Variants in C12orf75 observed in about 807,000 individuals in gnomAD.
C12orf75 encodes chromosome 12 open reading frame 75, also known as overexpressed in colon carcinoma 1 protein.
In C12orf75, 4 loss-of-function variants were observed where a neutral mutation model predicts 11.4. The ratio of observed to expected loss-of-function variants is 0.35; its 90% confidence interval spans 0.17 to 0.80. The LOEUF is 0.80. Ranked by LOEUF, C12orf75 falls within the 30% of genes least tolerant of loss-of-function variation. The pLI is 0.52. For missense variants in C12orf75, 89 were observed against 80.4 expected (o/e 1.11, Z -0.41); for synonymous variants, 30 against 30.0 (o/e 1.00, Z 0.00).
At chr12:105,334,737 A>G (rs1399309352) in intron 1 of C12orf75, among the ~76,000 whole-genome samples, 3 of 152,126 alleles carry the variant, frequency 2.0e-5, no homozygotes, top group African/African-American at 7.2e-5. Context: ...TTCTTTACTC[A>G]CTTGTTTTTC....
At chr12:105,368,406 C>G (rs1185170759) in intron 5 of C12orf75, among the ~76,000 whole-genome samples, 1 of 152,208 alleles carries the variant, frequency 6.6e-6, no homozygotes, top group Non-Finnish European at 1.5e-5. Context: ...TGAATTCAGG[C>G]TCTCATTTAC....
At chr12:105,359,837 C>T (rs1193379562) in intron 2 of C12orf75, among the ~76,000 whole-genome samples, 4 of 151,414 alleles carry the variant, frequency 2.6e-5, no homozygotes, top group Non-Finnish European at 5.9e-5. Flanking sequence ...TGCTGTATGT[C>T]CATTTGCTCC....
intron 1 of C12orf75, among the ~76,000 whole-genome samples, chr12:105,338,852 C>G (rs180691109): frequency 1.3e-5 from 2 of 152,168 alleles, no homozygotes; most frequent in Non-Finnish European, 2.9e-5. Flanking sequence ...GCCCAAACAC[C>G]TCCCATTAGA....
At chr12:105,370,437 T>G (rs1161244150) in intron 5 of C12orf75, among the ~76,000 whole-genome samples, 197 bp from the exon 6 acceptor site, 3 of 152,222 alleles carry the variant, frequency 2.0e-5, no homozygotes, top group African/African-American at 7.2e-5. Context: ...CCTACCCAAC[T>G]TTGCCTCTTT....
At chr12:105,358,208 C>T (rs994364590) in intron 2 of C12orf75, among the ~76,000 whole-genome samples, 4 of 152,010 alleles carry the variant, frequency 2.6e-5, no homozygotes, top group Non-Finnish European at 5.9e-5. Flanking sequence ...TCTTAGGGAA[C>T]GTTCCTGTGG....
chr12:105,361,637 C>A (rs1031175587), intron 2 of C12orf75, among the ~76,000 whole-genome samples: 1 of 152,108 alleles, frequency 6.6e-6, no homozygotes, highest in Non-Finnish European at 1.5e-5. Flanking sequence ...CATGTCTGGG[C>A]CTTCCTTTTA....
intron 2 of C12orf75, among the ~76,000 whole-genome samples, chr12:105,364,724 A>G (rs1228851001): frequency 6.6e-6 from 1 of 152,002 alleles, no homozygotes; most frequent in African/African-American, 2.4e-5. Context: ...ATCTTGTTGA[A>G]TTATTTTTTT....
At chr12:105,355,189 T>TTTTTTC (rs1555265699) in intron 2 of C12orf75, among the ~76,000 whole-genome samples, 2 of 139,490 alleles carry the variant, frequency 1.4e-5, no homozygotes, top group East Asian at 2.2e-4. Context: ...TCTTTTTTTT[T>TTTTTTC]TTCAGAGTTT....
chr12:105,334,862 G>A lies in C12orf75; in HGVS notation c.46+3925G>A, dbSNP rs148339407. ...TAGTCACATTCATATAGACTATGAA[G>A]CAAGTCTTTGTAATGTAAATCAGAA... On this transcript the variant is annotated intron_variant, in intron 1 of 5. Transcript: ENST00000443585. 3.4e-3 allele frequency among the ~76,000 whole-genome samples: 520 copies of A among 152,322 alleles called. 3 individuals carry two copies. Among genetic ancestry groups the A allele is most frequent in the African/African-American group, 0.011 (475 of 41,578 alleles).
At chr12:105,339,153 A>G (rs1003141259) in intron 1 of C12orf75, among the ~76,000 whole-genome samples, 1 of 152,204 alleles carries the variant, frequency 6.6e-6, no homozygotes, top group African/African-American at 2.4e-5. Flanking sequence ...AACCAAGACT[A>G]TGACATAGTT....
chr12:105,344,363 G>A (rs575672145), intron 1 of C12orf75, among the ~76,000 whole-genome samples: 2 of 152,186 alleles, frequency 1.3e-5, no homozygotes, highest in African/African-American at 2.4e-5. Context: ...CCCCATCACC[G>A]TTCTGCCATC....
intron 1 of C12orf75, among the ~76,000 whole-genome samples, chr12:105,344,794 A>G (rs1892616549): frequency 6.6e-6 from 1 of 151,506 alleles, no homozygotes; most frequent in African/African-American, 2.4e-5. Context: ...CATTATAATC[A>G]TTGTTTTCTT....
intron 1 of C12orf75, among the ~76,000 whole-genome samples, chr12:105,342,320 TGA>T (rs1166200136): frequency 1.3e-5 from 2 of 152,168 alleles, no homozygotes; most frequent in Non-Finnish European, 2.9e-5. Flanking sequence ...GGCTGGTTAT[TGA>T]GAGAGTGGGT....
At chr12:105,350,344 A>G (rs929017591) in intron 2 of C12orf75, among the ~76,000 whole-genome samples, 1 of 152,200 alleles carries the variant, frequency 6.6e-6, no homozygotes, top group African/African-American at 2.4e-5. Flanking sequence ...GAGATGCTAC[A>G]GTGGAGAGTG....
rs145527548 is a variant in C12orf75, at chr12:105,361,449, T to A, written c.72-4358T>A. 3.2e-3 allele frequency among the ~76,000 whole-genome samples: 481 copies of A among 152,294 alleles called. 7 individuals carry two copies. The highest frequency in any genetic ancestry group is 0.011 in the African/African-American group (449 of 41,570). On this transcript the variant is annotated intron_variant, in intron 2 of 5. Transcript: ENST00000443585. ...TAAAGTTTCTTGTAAAAGTGTTGAG[T>A]GATAAAATAAATTTAACATCCCAGT...
Position 105,330,901 on chromosome 12 carries a change from G to A in C12orf75, c.10G>A (p.Gly4Arg), listed in dbSNP as rs1892413342. MGC[G>R]NSTATSAGAG... ...CCCGGCCGGCTGCGCGATGGGCTGC[G>A]GGAACTCCACCGCCACCAGCGCGGG... The change falls in exon 1 of 6, where the codon GGG becomes AGG. Residue 4 changes from glycine (G) to arginine (R), a missense_variant. Physicochemically the swap from Gly to Arg is moderately radical, Grantham distance 125. Transcript: ENST00000443585. 1.6e-6 allele frequency: 2 copies of A among 1,247,216 alleles called. No individual in the cohort carries two copies. Among genetic ancestry groups the A allele is most frequent in the Non-Finnish European group, 2.0e-6 (2 of 997,864 alleles). The allele number at this position is 1,247,216 out of a possible 1,614,324, so 77.3% of individuals were successfully genotyped here. A position where few individuals can be genotyped will look rare whatever the true frequency, so the allele number is the denominator to read the frequency against.
At chr12:105,335,929 G>T (rs944507768) in intron 1 of C12orf75, among the ~76,000 whole-genome samples, 1 of 152,216 alleles carries the variant, frequency 6.6e-6, no homozygotes, top group African/African-American at 2.4e-5. Flanking sequence ...GTTGGTGTGG[G>T]CACACTGTAC....
At chr12:105,366,493 T>C in intron 3 of C12orf75, 124 bp from the exon 4 acceptor site, 2 of 457,566 alleles carry the variant, frequency 4.4e-6, no homozygotes, top group Non-Finnish European at 7.7e-6. Flanking sequence ...ATATTCTAGA[T>C]TCTACTTTTG....
At chr12:105,331,894 C>T (rs1393641252) in intron 1 of C12orf75, among the ~76,000 whole-genome samples, 1 of 152,190 alleles carries the variant, frequency 6.6e-6, no homozygotes, top group Non-Finnish European at 1.5e-5. Flanking sequence ...CAAATGCAAA[C>T]AGCAGTCAGA....
Sources: gnomAD v4.1 joint callset for allele counts (sites outside exome capture counted in the v4.1 genomes callset) on GRCh38, gnomAD v4.1.1 for gene constraint, MANE v1.5 for transcripts, NCBI Gene and HGNC (gene_info 2026-07-23, HGNC 2026-07-21) for gene names.